Variants in FBXO8 observed in about 807,000 individuals in gnomAD.
The protein encoded by FBXO8 is F-box only protein 8.
In FBXO8, 15 loss-of-function variants were observed where a neutral mutation model predicts 33.4. The ratio of observed to expected loss-of-function variants is 0.45; its 90% CI spans 0.30 to 0.69. The LOEUF is 0.69. Among genes scored for constraint, FBXO8 ranks in the 30% least tolerant of loss-of-function variants. FBXO8 has a pLI of 0.08. For synonymous variants in FBXO8, 132 were observed against 131.5 expected (o/e 1.00, Z -0.02); for missense variants, 274 against 380.3 (o/e 0.72, Z 2.32).
In FBXO8 at chr4:174,241,490, C is replaced by T. The variant is rs1353837426; in HGVS notation, c.457-272G>A. Among the ~76,000 whole-genome samples the T allele has an allele frequency of 6.6e-6, 1 of 151,526 alleles. No homozygotes were observed. Among genetic ancestry groups the T allele is most frequent in the Non-Finnish European group, 1.5e-5 (1 of 67,590 alleles). ...CTCATGTCAGGTAAAACTAACTATA[C>T]AGAAATACGGCCTAATTTGGGGAAG... On this transcript the variant is annotated intron_variant, in intron 3 of 5. Transcript: ENST00000393674. This position sits in a 1 kb window ranked among gnomAD's most constrained non-coding sequence, Gnocchi z 4.2.
chr4:174,262,460 C>A lies in FBXO8; in HGVS notation c.329+304G>T, dbSNP rs1218356765. 6.6e-6 allele frequency among the ~76,000 whole-genome samples: 1 copy of A among 152,142 alleles called. No individual in the cohort carries two copies. Among genetic ancestry groups the A allele is most frequent in the South Asian group, 2.1e-4 (1 of 4,828 alleles). ...ACTTTTAAATTAGAAATTCTCACTCCACAACTTTGCGGTATTTTCAGAATA... is the reference window on the plus strand; with the variant it reads ...ACTTTTAAATTAGAAATTCTCACTCAACAACTTTGCGGTATTTTCAGAATA... On this transcript the variant is annotated intron_variant, in intron 2 of 5. Transcript: ENST00000393674. This position sits in a 1 kb window ranked among gnomAD's most constrained non-coding sequence, Gnocchi z 4.6.
chr4:174,260,344 T>C (rs1454737036), intron 2 of FBXO8, among the ~76,000 whole-genome samples: 12 of 152,032 alleles, frequency 7.9e-5, no homozygotes, highest in Non-Finnish European at 5.9e-5. Context: ...ATAGGGTTTA[T>C]TAACTAACCT....
rs960935952 is a variant in FBXO8 at position 174,277,737 on chromosome 4, G to A, written c.-9+5673C>T. On this transcript the variant is annotated intron_variant, in intron 1 of 5. Transcript: ENST00000393674. The surrounding 1 kb of genome is among the most constrained non-coding windows in gnomAD (Gnocchi z 4.9). ...AGTATTTCTTAGTTGTCTAAATAGTGGAATTTATAAGTAAATGTCCTGTCT... is the reference window on the plus strand; with the variant it reads ...AGTATTTCTTAGTTGTCTAAATAGTAGAATTTATAAGTAAATGTCCTGTCT... Among the ~76,000 whole-genome samples the A allele has an allele frequency of 1.2e-4, 18 of 152,104 alleles. No individual in the cohort carries two copies. Among genetic ancestry groups the A allele is most frequent in the Admixed American group, 2.6e-4 (4 of 15,290 alleles).
chr4:174,261,323 G>T lies in FBXO8; in HGVS notation c.329+1441C>A, dbSNP rs1560871644. ...CAAATAGAAGCAATTTATTATTAAG[G>T]AAAAAATCCAAGTATTATAAAAATA... On this transcript the variant is annotated intron_variant, in intron 2 of 5. Coordinates refer to ENST00000393674, the MANE Select transcript of FBXO8 (RefSeq NM_012180.3). The surrounding 1 kb of genome is among the most constrained non-coding windows in gnomAD (Gnocchi z 4.1). 1.3e-5 allele frequency among the ~76,000 whole-genome samples: 2 copies of T among 151,568 alleles called. No homozygotes were observed. The highest frequency in any genetic ancestry group is 3.0e-5 in the Non-Finnish European group (2 of 67,766).
rs936269313 is a variant in FBXO8, at chr4:174,265,791, A to G, written c.-8-2691T>C. On this transcript the variant is annotated intron_variant, in intron 1 of 5. Coordinates refer to ENST00000393674, the MANE Select transcript of FBXO8 (RefSeq NM_012180.3). This position sits in a 1 kb window ranked among gnomAD's most constrained non-coding sequence, Gnocchi z 4.7. Reference sequence around the variant, plus strand: ...ACATTAAGTACAACTTAATTTTGACACAAATTGAACATTTTAAGTCTACTA... The same window carrying G: ...ACATTAAGTACAACTTAATTTTGACGCAAATTGAACATTTTAAGTCTACTA... Among the ~76,000 whole-genome samples the G allele has an allele frequency of 2.0e-5, 3 of 152,208 alleles. No homozygotes were observed. Among genetic ancestry groups the G allele is most frequent in the African/African-American group, 7.2e-5 (3 of 41,458 alleles).
intron 1 of FBXO8, among the ~76,000 whole-genome samples, chr4:174,276,031 A>G (rs1736953430): frequency 6.6e-6 from 1 of 152,208 alleles, no homozygotes; most frequent in South Asian, 2.1e-4. Flanking sequence ...ACAAAGTAAT[A>G]AGCTATATGA....
Position 174,255,474 on chromosome 4 carries a change from T to C in FBXO8, c.456+4225A>G, listed in dbSNP as rs1471117968. Among the ~76,000 whole-genome samples, 1 of 152,028 alleles carries C rather than the reference T, an allele frequency of 6.6e-6. No individual in the cohort carries two copies. Among genetic ancestry groups the C allele is most frequent in the African/African-American group, 2.4e-5 (1 of 41,420 alleles). On this transcript the variant is annotated intron_variant, in intron 3 of 5. Transcript: ENST00000393674. This position sits in a 1 kb window ranked among gnomAD's most constrained non-coding sequence, Gnocchi z 4.3. ...TGCATATTCATTTCTACCTCAAACATGTGGATAGGTCAAATTTAAAATATT... is the reference window on the plus strand; with the variant it reads ...TGCATATTCATTTCTACCTCAAACACGTGGATAGGTCAAATTTAAAATATT...
Position 174,278,501 on chromosome 4 carries a change from C to T in FBXO8, c.-9+4909G>A, listed in dbSNP as rs1227636727. 6.6e-6 allele frequency among the ~76,000 whole-genome samples: 1 copy of T among 152,036 alleles called. No homozygotes were observed. Among genetic ancestry groups the T allele is most frequent in the Admixed American group, 6.6e-5 (1 of 15,266 alleles). On this transcript the variant is annotated intron_variant, in intron 1 of 5. Coordinates refer to ENST00000393674, the MANE Select transcript of FBXO8 (RefSeq NM_012180.3). The surrounding 1 kb of genome is among the most constrained non-coding windows in gnomAD (Gnocchi z 4.1). ...TAAGAATTTTAGGCTTATTCAATTT[C>T]TGTGGTTTGTTTTTCAAGAAATGCT...
rs1736993546 is a variant in FBXO8 at position 174,277,977 on chromosome 4, T to C, written c.-9+5433A>G. Among the ~76,000 whole-genome samples the C allele has an allele frequency of 6.6e-6, 1 of 152,030 alleles. No individual in the cohort carries two copies. Among genetic ancestry groups the C allele is most frequent in the Non-Finnish European group, 1.5e-5 (1 of 67,948 alleles). On this transcript the variant is annotated intron_variant, in intron 1 of 5. Transcript: ENST00000393674. This position sits in a 1 kb window ranked among gnomAD's most constrained non-coding sequence, Gnocchi z 4.9. ...GAACATGGGAGAGTCTATGAGAAAATATTTTCTGAGACATTTTGAATCAAA... is the reference window on the plus strand; with the variant it reads ...GAACATGGGAGAGTCTATGAGAAAACATTTTCTGAGACATTTTGAATCAAA...
Position 174,267,194 on chromosome 4 carries a change from G to A in FBXO8, c.-8-4094C>T, listed in dbSNP as rs1236990495. ...CACAGAAAATTTTAAAACTCAGCAT[G>A]CCTGAGGATGGTGCCAATAGCAGTT... On this transcript the variant is annotated intron_variant, in intron 1 of 5. Transcript: ENST00000393674. The surrounding 1 kb of genome is among the most constrained non-coding windows in gnomAD (Gnocchi z 4.7). 6.6e-6 allele frequency among the ~76,000 whole-genome samples: 1 copy of A among 152,170 alleles called. No homozygotes were observed. The highest frequency in any genetic ancestry group is 1.9e-4 in the East Asian group (1 of 5,198).
At chr4:174,280,067 TGA>T (rs1300473898) in intron 1 of FBXO8, among the ~76,000 whole-genome samples, 1 of 151,900 alleles carries the variant, frequency 6.6e-6, no homozygotes, top group African/African-American at 2.4e-5. Flanking sequence ...ACCCACCGAA[TGA>T]GAGAAAATAT....
chr4:174,276,829 C>G (rs1241747083), intron 1 of FBXO8, among the ~76,000 whole-genome samples: 2 of 152,176 alleles, frequency 1.3e-5, no homozygotes, highest in African/African-American at 4.8e-5. Flanking sequence ...TCCAATTACG[C>G]TGTAACTTGC....
intron 3 of FBXO8, among the ~76,000 whole-genome samples, chr4:174,246,764 C>T (rs1428020769): frequency 6.6e-6 from 1 of 151,778 alleles, no homozygotes; most frequent in Non-Finnish European, 1.5e-5. Flanking sequence ...AATGATTAGC[C>T]TGGGGGACAG....
intron 3 of FBXO8, among the ~76,000 whole-genome samples, chr4:174,250,833 T>C (rs1393829896): frequency 1.3e-5 from 2 of 152,132 alleles, no homozygotes; most frequent in Non-Finnish European, 2.9e-5. Flanking sequence ...TAACAATTGC[T>C]AAATTCATGA....
At chr4:174,258,189 TGCCACAGTGCAG>T (rs1188704027) in intron 3 of FBXO8, among the ~76,000 whole-genome samples, 7 of 152,172 alleles carry the variant, frequency 4.6e-5, no homozygotes, top group African/African-American at 1.7e-4. Flanking sequence ...AGAGCAGGTA[TGCCACAGTGCAG>T]GATAAAAAAA....
chr4:174,281,303 A>C lies in FBXO8; in HGVS notation c.-9+2107T>G, dbSNP rs908076244. Among the ~76,000 whole-genome samples the C allele has an allele frequency of 6.6e-6, 1 of 152,196 alleles. No individual in the cohort carries two copies. Among genetic ancestry groups the C allele is most frequent in the Non-Finnish European group, 1.5e-5 (1 of 68,046 alleles). On this transcript the variant is annotated intron_variant, in intron 1 of 5. Coordinates refer to ENST00000393674, the MANE Select transcript of FBXO8 (RefSeq NM_012180.3). The surrounding 1 kb of genome is among the most constrained non-coding windows in gnomAD (Gnocchi z 4.6). ...TTCAAATAGCTTATGAATCCTATGC[A>C]ATCTATTCTTGAAAAATACACGAAC...
chr4:174,248,904 A>G (rs976200146), intron 3 of FBXO8, among the ~76,000 whole-genome samples: 3 of 152,074 alleles, frequency 2.0e-5, no homozygotes, highest in Non-Finnish European at 2.9e-5. Flanking sequence ...TGATGGTTTA[A>G]GGAAAATCTA....
At position 174,265,512 on chromosome 4, in the gene FBXO8, T is replaced by C. The variant is rs528251611; in HGVS notation, c.-8-2412A>G. 6.6e-6 allele frequency among the ~76,000 whole-genome samples: 1 copy of C among 152,262 alleles called. No individual in the cohort carries two copies. Among genetic ancestry groups the C allele is most frequent in the African/African-American group, 2.4e-5 (1 of 41,560 alleles). On this transcript the variant is annotated intron_variant, in intron 1 of 5. Coordinates refer to ENST00000393674, the MANE Select transcript of FBXO8 (RefSeq NM_012180.3). This position sits in a 1 kb window ranked among gnomAD's most constrained non-coding sequence, Gnocchi z 4.7. ...AGTATATCTATACAATGGGAAATTA[T>C]TTAGCACTAAAAAGAAATGAGCTAT...
intron 5 of FBXO8, among the ~76,000 whole-genome samples, chr4:174,238,327 T>C (rs905815424): frequency 6.6e-5 from 10 of 151,948 alleles, no homozygotes; most frequent in Non-Finnish European, 2.9e-5. Context: ...AGTGCTGATA[T>C]TTCGGAATCC....
Sources: gnomAD v4.1 joint callset for allele counts (sites outside exome capture counted in the v4.1 genomes callset) on GRCh38, gnomAD v4.1.1 for gene constraint, Gnocchi (gnomAD v3.1) non-coding constraint, MANE v1.5 for transcripts, NCBI Gene and HGNC (gene_info 2026-07-23, HGNC 2026-07-21) for gene names.